Variants in FAM149B1 observed in about 807,000 individuals in gnomAD.
The protein encoded by FAM149B1 is family with sequence similarity 149 member B1, also known as primary cilium assembly protein FAM149B1.
FAM149B1 carries 56 observed loss-of-function variants against 75.3 expected under a neutral mutation model. The observed-to-expected ratio is 0.74, with a 90% CI of 0.60 to 0.93. The LOEUF is 0.93. FAM149B1 is among the 40% of genes least tolerant of loss of function. The probability of loss-of-function intolerance (pLI) is 0.00; values close to 1 mark genes in which losing one functional copy is unlikely to be tolerated. For missense variants in FAM149B1, 639 were observed against 708.4 expected (o/e 0.90, Z 1.11); for synonymous variants, 259 against 256.1 (o/e 1.01, Z -0.11).
chr10:73,184,032 C>T (rs988643152), intron 3 of FAM149B1, among the ~76,000 whole-genome samples: 5 of 152,112 alleles, frequency 3.3e-5, no homozygotes, highest in African/African-American at 4.8e-5. Flanking sequence ...GGAAATAAGA[C>T]GGTCACAGGA....
At chr10:73,224,608 A>C (rs960638646) in intron 7 of FAM149B1, among the ~76,000 whole-genome samples, 1 of 150,838 alleles carries the variant, frequency 6.6e-6, no homozygotes, top group African/African-American at 2.4e-5. Context: ...AGTAGCTGGG[A>C]TTACAAGTGC....
chr10:73,186,121 G>A (rs764618488), intron 3 of FAM149B1, among the ~76,000 whole-genome samples: 4 of 151,900 alleles, frequency 2.6e-5, no homozygotes, highest in African/African-American at 7.3e-5. Context: ...AGGATTGCAC[G>A]GCTGGTTCAA....
In FAM149B1 at chr10:73,203,643, A is replaced by ATT. The variant is rs200573557; in HGVS notation, c.543-4963_543-4962dup. 9.9e-4 allele frequency among the ~76,000 whole-genome samples: 144 copies of ATT among 145,976 alleles called. 1 individual carries two copies. The highest frequency in any genetic ancestry group is 3.6e-3 in the Middle Eastern group (1 of 276). On this transcript the variant is annotated intron_variant, in intron 5 of 13. Transcript: ENST00000242505. ...AATTATAAACAATTCTGTGATCATA[A>ATT]TTTTTTTTTTTTTTGAGATAGGGTC...
rs984906713 is a variant in FAM149B1, at chr10:73,234,810, T to C, written c.1353-7T>C. The stretch of plus-strand genomic sequence containing the variant: ...CATACCTTCGTGTTTGTTGGTGGGA[T>C]CTGCAGCCCAGTGGCACCCGACTCG... On this transcript the variant is annotated splice_polypyrimidine_tract_variant and splice_region_variant and intron_variant, in intron 10 of 13. Transcript: ENST00000242505. 8.4e-6 allele frequency: 13 copies of C among 1,551,226 alleles called. No homozygotes were observed. The highest frequency in any genetic ancestry group is 1.1e-5 in the Non-Finnish European group (13 of 1,146,932).
intron 1 of FAM149B1, among the ~76,000 whole-genome samples, chr10:73,171,345 A>G (rs922023807): frequency 6.6e-6 from 1 of 152,234 alleles, no homozygotes; most frequent in Non-Finnish European, 1.5e-5. Flanking sequence ...GATAAAATGT[A>G]TCTTAATGGG....
intron 9 of FAM149B1, among the ~76,000 whole-genome samples, chr10:73,232,177 GATGTCTTAAAATAGTCA>G (rs1324035891): frequency 6.6e-6 from 1 of 152,058 alleles, no homozygotes; most frequent in East Asian, 1.9e-4. Context: ...GATACTCTTA[GATGTCTTAAAATAGTCA>G]AATGTCCTCT....
chr10:73,230,122 A>G (rs1444058484), intron 8 of FAM149B1, among the ~76,000 whole-genome samples: 1 of 152,092 alleles, frequency 6.6e-6, no homozygotes, highest in Non-Finnish European at 1.5e-5. Context: ...TTCTATTTTA[A>G]TGTAAACAAT....
At chr10:73,211,971 C>T (rs1303362983) in intron 7 of FAM149B1, among the ~76,000 whole-genome samples, 1 of 152,112 alleles carries the variant, frequency 6.6e-6, no homozygotes, top group African/African-American at 2.4e-5. Context: ...TTCGGAGTCT[C>T]CAGTGTTTCT....
chr10:73,190,378 A>T (rs77125767), intron 3 of FAM149B1, among the ~76,000 whole-genome samples: 8,735 of 151,978 alleles, frequency 0.057, 527 homozygotes, highest in East Asian at 0.3. Flanking sequence ...ACCATGGTCC[A>T]GTATAGCCTC....
At chr10:73,194,844 C>A (rs780027456) in intron 5 of FAM149B1, among the ~76,000 whole-genome samples, 2 of 151,590 alleles carry the variant, frequency 1.3e-5, no homozygotes, top group Admixed American at 6.6e-5. Flanking sequence ...GCACCATGCC[C>A]GGCTAATTTT....
intron 9 of FAM149B1, chr10:73,231,133 G>GT (rs2043687875): frequency 6.6e-6 from 1 of 152,274 alleles, no homozygotes; most frequent in African/African-American, 2.4e-5. Context: ...TGAGTGTCAG[G>GT]TTTTTGGGAT....
At chr10:73,199,135 A>T (rs2042874699) in intron 5 of FAM149B1, among the ~76,000 whole-genome samples, 1 of 152,212 alleles carries the variant, frequency 6.6e-6, no homozygotes, top group South Asian at 2.1e-4. Flanking sequence ...ACACATCTCT[A>T]TTTAAATATA....
chr10:73,201,009 TG>T (rs913705466), intron 5 of FAM149B1: 1 of 312,678 alleles, frequency 3.2e-6, no homozygotes, highest in Non-Finnish European at 6.5e-6. Context: ...TGTTGGCACG[TG>T]GGACTGATGT....
intron 6 of FAM149B1, among the ~76,000 whole-genome samples, chr10:73,209,570 C>G (rs573013974): frequency 1.3e-5 from 2 of 152,296 alleles, no homozygotes; most frequent in Admixed American, 1.3e-4. Flanking sequence ...TATATTCTAA[C>G]AGTAGACCTA....
chr10:73,223,734 G>T (rs535544950), intron 7 of FAM149B1, among the ~76,000 whole-genome samples: 1 of 145,872 alleles, frequency 6.9e-6, no homozygotes, highest in South Asian at 2.2e-4. Flanking sequence ...TGTGTGTTAG[G>T]TTTTTTTTTT....
Position 73,241,263 on chromosome 10 carries a change from T to A in FAM149B1, c.*244T>A, listed in dbSNP as rs1349653817. ...TAACCTATCCCATTGGAAAGGCAAG[T>A]TTGTACCCAAAGATGCAACAGTGAA... On this transcript the variant is annotated 3_prime_UTR_variant, in exon 14 of 14. Coordinates refer to ENST00000242505, the MANE Select transcript of FAM149B1 (RefSeq NM_173348.2). 4.3e-6 allele frequency: 2 copies of A among 468,240 alleles called. No individual in the cohort carries two copies. The highest frequency in any genetic ancestry group is 8.9e-5 in the East Asian group (2 of 22,420). The allele number at this position is 468,240 out of a possible 1,614,324, so 29.0% of individuals were successfully genotyped here.
chr10:73,232,245 T>C (rs1255693948), intron 9 of FAM149B1, among the ~76,000 whole-genome samples: 2 of 152,212 alleles, frequency 1.3e-5, no homozygotes, highest in African/African-American at 4.8e-5. Flanking sequence ...CCTGAATCTG[T>C]AGGGCAGTAT....
rs114250742 is a variant in FAM149B1 at position 73,201,240 on chromosome 10, A to G, written c.543-7379A>G. On this transcript the variant is annotated intron_variant, in intron 5 of 13. Coordinates refer to ENST00000242505, the MANE Select transcript of FAM149B1 (RefSeq NM_173348.2). Reference sequence around the variant, plus strand: ...CTGACCGTATTTAATTCCTGGGATGACAGAGTTTTGGATGCAGTGCTCCCT... The same window carrying G: ...CTGACCGTATTTAATTCCTGGGATGGCAGAGTTTTGGATGCAGTGCTCCCT... The G allele has an allele frequency of 3.8e-4, 90 of 234,246 alleles. 1 individual carries two copies. The highest frequency in any genetic ancestry group is 2.0e-3 in the African/African-American group (85 of 43,534). The allele number at this position is 234,246 out of a possible 1,614,324, so 14.5% of individuals were successfully genotyped here.
chr10:73,238,004 A>G (rs1040624894), intron 12 of FAM149B1, among the ~76,000 whole-genome samples: 3 of 151,990 alleles, frequency 2.0e-5, no homozygotes, highest in African/African-American at 2.4e-5. Context: ...TTCTCTCCCC[A>G]TTTGCTGTCA....
Sources: gnomAD v4.1 joint callset for allele counts (sites outside exome capture counted in the v4.1 genomes callset) on GRCh38, gnomAD v4.1.1 for gene constraint, MANE v1.5 for transcripts, NCBI Gene and HGNC (gene_info 2026-07-23, HGNC 2026-07-21) for gene names.